ZNF334: variants seen among roughly 807,000 people sequenced by gnomAD.
ZNF334 encodes the protein zinc finger protein 334.
In ZNF334, 14 loss-of-function variants were observed where a neutral mutation model predicts 12.4. The observed-to-expected ratio is 1.13, with a 90% CI of 0.74 to 1.76. The LOEUF is 1.76. Ranked by LOEUF, ZNF334 falls within the 40% of genes most tolerant of loss-of-function variation. ZNF334 has a pLI of 0.00. For synonymous variants in ZNF334, 273 were observed against 269.6 expected, an observed-to-expected ratio of 1.01 and a Z score of -0.12; for missense variants, 797 against 804.5, an observed-to-expected ratio of 0.99 and a Z score of 0.11.
At position 46,512,071 on chromosome 20, in the gene ZNF334, G is replaced by T. The variant is rs777346572; in HGVS notation, c.21+11C>A. On this transcript the variant is annotated intron_variant, in intron 2 of 4. Coordinates refer to ENST00000692313, the MANE Select transcript of ZNF334 (RefSeq NM_001353824.2). ...TGTATAATGTGAGAAGTAAATCCCTGAGCAACTTACCTGAAATTTTTTCAT... is the reference window on the plus strand; with the variant it reads ...TGTATAATGTGAGAAGTAAATCCCTTAGCAACTTACCTGAAATTTTTTCAT... 15 of 1,613,332 alleles carry T rather than the reference G, an allele frequency of 9.3e-6. No homozygotes were observed. Among genetic ancestry groups the T allele is most frequent in the African/African-American group, 1.3e-5 (1 of 74,882 alleles).
At chr20:46,508,434 A>G (rs1480271382) in intron 2 of ZNF334, among the ~76,000 whole-genome samples, 1 of 152,244 alleles carries the variant, frequency 6.6e-6, no homozygotes, top group Non-Finnish European at 1.5e-5. Flanking sequence ...GAGGACAGGA[A>G]TGGGTCCTGT....
the ZNF334 span, among the ~76,000 whole-genome samples, chr20:46,462,519 A>G: frequency 6.6e-6 from 1 of 152,238 alleles, no homozygotes; most frequent in Non-Finnish European, 1.5e-5. Flanking sequence ...CAAAAAACTC[A>G]ACAACAAAAC....
At position 46,502,158 on chromosome 20, in the gene ZNF334, G is replaced by A. The variant is rs151029464; in HGVS notation, c.1181C>T (p.Ala394Val). Residue 394 changes from alanine to valine, a missense_variant, in exon 5 of 5, where the codon GCG becomes GTG. Coordinates refer to ENST00000692313, the MANE Select transcript of ZNF334 (RefSeq NM_001353824.2). ...TTCCCCTGTGTGAATTCTCTGATGCGCAGTAAGGGCTGACTGACAGAAGAA... is the reference window on the plus strand; with the variant it reads ...TTCCCCTGTGTGAATTCTCTGATGCACAGTAAGGGCTGACTGACAGAAGAA... ...KTFFCQSALTAHQRIHTGEKP... is the reference protein window; with the variant it reads ...KTFFCQSALTVHQRIHTGEKP... 77 of 1,613,426 alleles carry A rather than the reference G, an allele frequency of 4.8e-5. No homozygotes were observed. The highest frequency in any genetic ancestry group is 3.2e-4 in the African/African-American group (24 of 74,720).
chr20:46,497,591 C>T (rs1275318585), downstream of ZNF334, among the ~76,000 whole-genome samples: 4 of 152,088 alleles, frequency 2.6e-5, no homozygotes, highest in Admixed American at 2.6e-4. Flanking sequence ...CTGCAAATAA[C>T]AGGGATATTA....
Position 46,506,127 on chromosome 20 carries a change from C to T in ZNF334, c.22-1387G>A, listed in dbSNP as rs1568869720. 7 of 388,270 alleles carry T rather than the reference C, an allele frequency of 1.8e-5. No homozygotes were observed. The East Asian group carries it at 2.6e-4, about 14-fold the overall frequency. The allele number at this position is 388,270 out of a possible 1,614,324, so 24.1% of individuals were successfully genotyped here. ...CTTTACCATGCTGTGCTTGAAGTGT[C>T]TGTTGAGTAAAGAAGTACAGATATC... On this transcript the variant is annotated intron_variant, in intron 2 of 4. Transcript: ENST00000692313.
At chr20:46,476,135 A>G in the ZNF334 span, 2 of 152,312 alleles carry the variant, frequency 1.3e-5, no homozygotes, top group African/African-American at 4.8e-5. Context: ...TGTTGATGAT[A>G]AAAACCAATC....
At chr20:46,497,062 A>C (rs1475278762), downstream of ZNF334, among the ~76,000 whole-genome samples, 1 of 152,240 alleles carries the variant, frequency 6.6e-6, no homozygotes, top group African/African-American at 2.4e-5. Context: ...CAGAACATAC[A>C]TATGGCTCTG....
At chr20:46,464,232 C>T in the ZNF334 span, 1 of 537,784 alleles carries the variant, frequency 1.9e-6, no homozygotes, top group South Asian at 1.5e-5. Context: ...CCTGGCTGCT[C>T]ATTGCCTCCT....
chr20:46,505,453 C>A (rs548469314), intron 2 of ZNF334: 3 of 153,548 alleles, frequency 2.0e-5, no homozygotes, highest in South Asian at 2.1e-4. Context: ...ATTATTTTTT[C>A]ATTCTTTTGG....
Position 46,502,850 on chromosome 20 carries a change from A to G in ZNF334, c.489T>C (p.Asp163=), listed in dbSNP as rs139717496. 3.1e-6 allele frequency: 5 copies of G among 1,613,718 alleles called. No individual in the cohort carries two copies. In the African/African-American group the frequency reaches 6.7e-5, roughly 22 times the overall value. The change falls in exon 5 of 5, where the codon GAT becomes GAC. Residue 163 remains aspartate, a synonymous_variant. Coordinates refer to ENST00000692313, the MANE Select transcript of ZNF334 (RefSeq NM_001353824.2). ...CATGCTTCCCAAATCCACTGTATCC[A>G]TCAGGAATCTTTCTGTTTTCTTTGC... ...KKSKENRKIP[D]GYSGFGKHEK... is the part of the protein sequence containing the mutation.
intron 2 of ZNF334, chr20:46,509,859 T>C (rs2061579687): frequency 3.4e-6 from 2 of 592,850 alleles, no homozygotes; most frequent in African/African-American, 3.7e-5. Flanking sequence ...TAAGAAAGTA[T>C]GTTCTGTAAA....
rs1601028726 is a variant in ZNF334, at chr20:46,503,190, T to TA, written c.242-94dup. On this transcript the variant is annotated intron_variant, in intron 4 of 4. Coordinates refer to ENST00000692313, the MANE Select transcript of ZNF334 (RefSeq NM_001353824.2). ...CTTAGAAATGCATTGTTTTAGGGGT[T>TA]AGACTTCAGGCCAAGCCTTCCAAGA... 8 of 1,382,272 alleles carry TA rather than the reference T, an allele frequency of 5.8e-6. No individual in the cohort carries two copies. The East Asian group carries it at 2.0e-4, about 34-fold the overall frequency. The allele number at this position is 1,382,272 out of a possible 1,614,324, so 85.6% of individuals were successfully genotyped here. A position where few individuals can be genotyped will look rare whatever the true frequency, so the allele number is the denominator to read the frequency against.
downstream of ZNF334, among the ~76,000 whole-genome samples, chr20:46,498,247 C>T (rs1055365806): frequency 6.6e-5 from 10 of 152,146 alleles, no homozygotes; most frequent in Non-Finnish European, 1.2e-4. Context: ...GATACCCTTC[C>T]GCAACATATC....
chr20:46,494,066 A>T, the ZNF334 span, among the ~76,000 whole-genome samples: 1 of 152,206 alleles, frequency 6.6e-6, no homozygotes, highest in Non-Finnish European at 1.5e-5. Context: ...AATATGGAGA[A>T]CCTATTACTG....
At chr20:46,504,987 A>T in intron 2 of ZNF334, 1 of 362,790 alleles carries the variant, frequency 2.8e-6, no homozygotes, top group Non-Finnish European at 4.9e-6. Flanking sequence ...ATAAAATACT[A>T]ATCTTACTCT....
the ZNF334 span, among the ~76,000 whole-genome samples, chr20:46,490,257 A>G: frequency 6.6e-6 from 1 of 152,238 alleles, no homozygotes; most frequent in Non-Finnish European, 1.5e-5. Context: ...TAATGTTCTT[A>G]GCAACAACAA....
At position 46,502,482 on chromosome 20, in the gene ZNF334, A is replaced by T. The variant is rs149794868; in HGVS notation, c.857T>A (p.Ile286Asn). Residue 286 changes from isoleucine to asparagine, a missense_variant, in exon 5 of 5, where the codon ATT (isoleucine) becomes AAT (asparagine). Physicochemically the swap from Ile to Asn is moderately radical, Grantham distance 149. Coordinates refer to ENST00000692313, the MANE Select transcript of ZNF334 (RefSeq NM_001353824.2). Reference protein sequence around the residue: ...VKTSLTRHRRIHTGERPYECS... With the variant: ...VKTSLTRHRRNHTGERPYECS... ...TTCATAGGGTCTCTCTCCAGTATGA[A>T]TTCTTCGGTGTCGAGTGAGGCTTGT... is the stretch of plus-strand genomic sequence containing the variant. 5.4e-4 allele frequency: 865 copies of T among 1,613,834 alleles called. 5 individuals carry two copies. In the East Asian group the frequency reaches 0.018, roughly 33 times the overall value.
In ZNF334 at chr20:46,502,611, C is replaced by G. The variant is rs866288648; in HGVS notation, c.728G>C (p.Arg243Thr). The G allele has an allele frequency of 2.5e-6, 4 of 1,606,614 alleles. No homozygotes were observed. Among genetic ancestry groups the G allele is most frequent in the Non-Finnish European group, 3.4e-6 (4 of 1,177,516 alleles). ...GGTAGATCTCTTAGAAAAGGTTTTC[C>G]TACATTCATTACATTCATTTGGTTT... ...ERKPNECNEC[R>T]KTFSKRSTLI... The change falls in exon 5 of 5, where the codon AGG becomes ACG. Residue 243 changes from arginine (R) to threonine (T), a missense_variant. By Grantham distance (71) the Arg-to-Thr change is moderately conservative (BLOSUM62 -1). Transcript: ENST00000692313.
chr20:46,479,517 C>T, the ZNF334 span, among the ~76,000 whole-genome samples: 1 of 152,200 alleles, frequency 6.6e-6, no homozygotes, highest in Non-Finnish European at 1.5e-5. Flanking sequence ...ACAAAACAGA[C>T]TCTGTGGCAA....
Sources: gnomAD v4.1 joint callset for allele counts (sites outside exome capture counted in the v4.1 genomes callset) on GRCh38, gnomAD v4.1.1 for gene constraint, MANE v1.5 for transcripts, NCBI Gene and HGNC (gene_info 2026-07-23, HGNC 2026-07-21) for gene names.